FOXP1: variants seen among roughly 807,000 people sequenced by gnomAD.
The protein encoded by FOXP1 is forkhead box protein P1.
Under a neutral mutation model 98.2 loss-of-function variants are expected in FOXP1, and 15 were observed. The observed-to-expected ratio is 0.15, with a 90% CI of 0.10 to 0.24. The LOEUF (loss-of-function observed/expected upper bound fraction) is 0.24. Among genes scored for constraint, FOXP1 ranks in the 10% least tolerant of loss-of-function variants. The pLI is 1.00. For missense variants in FOXP1, 633 were observed against 848.5 expected (o/e 0.75, Z 3.15); for synonymous variants, 371 against 314.5 (o/e 1.18, Z -1.90).
At chr3:71,002,015 C>A (rs1176123526) in intron 12 of FOXP1, among the ~76,000 whole-genome samples, 1 of 152,132 alleles carries the variant, frequency 6.6e-6, no homozygotes, top group Admixed American at 6.5e-5. Flanking sequence ...TCAATAACAA[C>A]AACAACAACA....
At chr3:71,121,375 A>G (rs553035135) in intron 6 of FOXP1, among the ~76,000 whole-genome samples, 2 of 149,474 alleles carry the variant, frequency 1.3e-5, no homozygotes, top group African/African-American at 4.9e-5. Flanking sequence ...ACCAGAAAAA[A>G]AAAAGGGGGG....
rs115499371 is a variant in FOXP1 at position 71,520,846 on chromosome 3, T to C, written c.-297-27291A>G. ...CACAAAGTATAATCAGCAACGACAG[T>C]TGCCATCTGAGAACAAAAGGATGAC... is the stretch of plus-strand genomic sequence containing the variant. On this transcript the variant is annotated intron_variant, in intron 2 of 20. Coordinates refer to ENST00000649528, the MANE Select transcript of FOXP1 (RefSeq NM_001349338.3). Among the ~76,000 whole-genome samples the C allele has an allele frequency of 4.0e-3, 607 of 152,318 alleles. 4 individuals are homozygous for C. Among genetic ancestry groups the C allele is most frequent in the African/African-American group, 0.014 (584 of 41,578 alleles).
chr3:71,282,207 G>T (rs1002977395), intron 5 of FOXP1, among the ~76,000 whole-genome samples: 1 of 152,130 alleles, frequency 6.6e-6, no homozygotes, highest in African/African-American at 2.4e-5. Flanking sequence ...GAGCAGAAGA[G>T]AGAGAATATT....
intron 7 of FOXP1, among the ~76,000 whole-genome samples, chr3:71,106,476 C>T (rs909400775): frequency 6.6e-6 from 1 of 152,108 alleles, no homozygotes; most frequent in Non-Finnish European, 1.5e-5. Flanking sequence ...GCTGGGACTA[C>T]AGGTGCGTGC....
At chr3:71,437,806 A>C (rs1040150505) in intron 3 of FOXP1, among the ~76,000 whole-genome samples, 9 of 152,192 alleles carry the variant, frequency 5.9e-5, no homozygotes, top group African/African-American at 2.2e-4. Context: ...AAGAGACCCA[A>C]ACCAAAAAAA....
intron 4 of FOXP1, among the ~76,000 whole-genome samples, chr3:71,313,296 T>C (rs943491487): frequency 6.6e-6 from 1 of 151,756 alleles, no homozygotes; most frequent in Admixed American, 6.6e-5. Context: ...CCTGACCTCA[T>C]GATCCGTCCG....
chr3:71,177,818 GTTTATTTTC>G (rs1320770265), intron 6 of FOXP1, among the ~76,000 whole-genome samples: 1 of 140,884 alleles, frequency 7.1e-6, no homozygotes, highest in African/African-American at 2.6e-5. Context: ...AATACTGATA[GTTTATTTTC>G]TTTTCTTTCT....
At chr3:71,290,143 C>G (rs774189634) in intron 5 of FOXP1, among the ~76,000 whole-genome samples, 1 of 152,140 alleles carries the variant, frequency 6.6e-6, no homozygotes, top group Non-Finnish European at 1.5e-5. Flanking sequence ...CCTGGTCTCC[C>G]TTGCTTACCT....
chr3:70,959,107 C>T lies in FOXP1; in HGVS notation c.*140G>A, dbSNP rs2106848961. ...TTCTTGATGGCACTAAGAGTTAACA[C>T]ATTTCAGAGTTGTCAAAACGTAGTG... is the stretch of plus-strand genomic sequence containing the variant. On this transcript the variant is annotated 3_prime_UTR_variant, in exon 21 of 21. Transcript: ENST00000649528. The T allele has an allele frequency of 1.1e-6, 1 of 951,414 alleles. No homozygotes were observed. Among genetic ancestry groups the T allele is most frequent in the Non-Finnish European group, 1.6e-6 (1 of 612,956 alleles). The allele number at this position is 951,414 out of a possible 1,614,324, so 58.9% of individuals were successfully genotyped here. A position where few individuals can be genotyped will look rare whatever the true frequency, so the allele number is the denominator to read the frequency against.
rs71104439 is a variant in FOXP1, at chr3:71,308,749, ATGTGTGTGTGTGTGTGTGTGTGTGTGTG to A, written c.-72-8897_-72-8870del. Among the ~76,000 whole-genome samples, 104 of 132,292 alleles carry A rather than the reference ATGTGTGTGTGTGTGTGTGTGTGTGTGTG, an allele frequency of 7.9e-4. No homozygotes were observed. In the South Asian group the frequency reaches 0.025, roughly 32 times the overall value. The allele number at this position is 132,292 out of a possible 152,430, so 86.8% of individuals were successfully genotyped here. ...AATTATTATGAAGCATTCTACCACA[ATGTGTGTGTGTGTGTGTGTGTGTGTGTG>A]TGTGTGTGTGTGTGTGTGTGTGTGT... On this transcript the variant is annotated intron_variant, in intron 4 of 20. Transcript: ENST00000649528.
intron 3 of FOXP1, among the ~76,000 whole-genome samples, chr3:71,468,891 C>T (rs2089050575): frequency 6.6e-6 from 1 of 152,148 alleles, no homozygotes; most frequent in Non-Finnish European, 1.5e-5. Flanking sequence ...CGAGCAGGAC[C>T]ACGTTGGCAT....
At chr3:71,338,419 C>T (rs2076815338) in intron 4 of FOXP1, among the ~76,000 whole-genome samples, 1 of 152,292 alleles carries the variant, frequency 6.6e-6, no homozygotes, top group South Asian at 2.1e-4. Flanking sequence ...GCCTTTCCAA[C>T]CCGAGTCTTT....
chr3:71,336,439 C>G (rs35653067), intron 4 of FOXP1, among the ~76,000 whole-genome samples: 29,666 of 151,868 alleles, frequency 0.2, 3,104 homozygotes, highest in African/African-American at 0.25. Flanking sequence ...CCTCCACCCC[C>G]CGATAGGCCC....
At chr3:71,443,057 A>G (rs1363322322) in intron 3 of FOXP1, among the ~76,000 whole-genome samples, 1 of 151,994 alleles carries the variant, frequency 6.6e-6, no homozygotes, top group Non-Finnish European at 1.5e-5. Context: ...ACACCTGGCT[A>G]ATTTTTTTGT....
chr3:71,333,659 C>T (rs769578260), intron 4 of FOXP1: 2 of 151,858 alleles, frequency 1.3e-5, no homozygotes, highest in African/African-American at 4.8e-5. Flanking sequence ...GCTGTCCCCA[C>T]AAAAAAATAC....
chr3:71,430,161 T>C (rs184613095), intron 3 of FOXP1, among the ~76,000 whole-genome samples: 16 of 152,148 alleles, frequency 1.1e-4, no homozygotes, highest in African/African-American at 1.7e-4. Flanking sequence ...GGCTCCCTCC[T>C]GACCATACCC....
chr3:71,434,515 A>C lies in FOXP1; in HGVS notation c.-168+58911T>G, dbSNP rs373098905. Among the ~76,000 whole-genome samples the C allele has an allele frequency of 3.9e-5, 6 of 152,170 alleles. No individual in the cohort carries two copies. The East Asian group carries it at 1.2e-3, about 29-fold the overall frequency. On this transcript the variant is annotated intron_variant, in intron 3 of 20. Transcript: ENST00000649528. ...TTTTATGCACATACATATTATGTAC[A>C]CTTGTGCAAATTAAAGAAATGTACA...
rs147302981 is a variant in FOXP1 at position 71,532,466 on chromosome 3, T to C, written c.-297-38911A>G. 9.1e-3 allele frequency among the ~76,000 whole-genome samples: 1,382 copies of C among 152,324 alleles called. 27 individuals are homozygous for C. The highest frequency in any genetic ancestry group is 0.03 in the African/African-American group (1,245 of 41,564). ...GGTCCCACAAACCAAATACACTCCC[T>C]GGATGGCTGTCATCTTACCTTCAGT... On this transcript the variant is annotated intron_variant, in intron 2 of 20. Coordinates refer to ENST00000649528, the MANE Select transcript of FOXP1 (RefSeq NM_001349338.3).
chr3:71,026,383 T>A (rs2046118364), intron 11 of FOXP1, among the ~76,000 whole-genome samples: 1 of 152,136 alleles, frequency 6.6e-6, no homozygotes, highest in Non-Finnish European at 1.5e-5. Context: ...GGATCCAGTC[T>A]GTAGCTGGGT....
Sources: allele counts gnomAD v4.1 joint callset (sites outside exome capture counted in the v4.1 genomes callset), GRCh38; gene constraint gnomAD v4.1.1; transcripts MANE v1.5; gene names NCBI Gene and HGNC (gene_info 2026-07-23, HGNC 2026-07-21).